The following CUBN variants were observed in gnomAD, a reference collection of about 807,000 sequenced individuals.
CUBN encodes cubilin.
Under a neutral mutation model 405.3 loss-of-function variants are expected in CUBN, and 282 were observed. That is an observed-to-expected ratio of 0.70 (90% CI 0.63 to 0.77). The LOEUF (loss-of-function observed/expected upper bound fraction) is 0.77. Among genes scored for constraint, CUBN ranks in the 30% least tolerant of loss-of-function variants. The probability of loss-of-function intolerance (pLI) is 0.00; values close to 1 mark genes in which losing one functional copy is unlikely to be tolerated. For synonymous variants in CUBN, 1,684 were observed against 1,617.0 expected, an observed-to-expected ratio of 1.04 and a Z score of -0.99; for missense variants, 4,514 against 4,475.2, an observed-to-expected ratio of 1.01 and a Z score of -0.25.
In CUBN at chr10:16,990,560, A is replaced by T. The variant is rs925522; in HGVS notation, c.4169-45T>A. 3.8e-6 allele frequency: 6 copies of T among 1,577,360 alleles called. No homozygotes were observed. The Admixed American group carries it at 6.8e-5, about 18-fold the overall frequency. On this transcript the variant is annotated intron_variant, in intron 28 of 66. Transcript: ENST00000377833. ...CAGTCAGTTCAAAGTGGGCAACAGCACATGGAAAATAATTCCAAATTCAAC... is the reference window on the plus strand; with the variant it reads ...CAGTCAGTTCAAAGTGGGCAACAGCTCATGGAAAATAATTCCAAATTCAAC...
chr10:16,937,141 G>C (rs1842532070), intron 39 of CUBN, among the ~76,000 whole-genome samples: 1 of 152,166 alleles, frequency 6.6e-6, no homozygotes, highest in Non-Finnish European at 1.5e-5. Context: ...ATTTTACTTT[G>C]AAACATGGAA....
intron 53 of CUBN, among the ~76,000 whole-genome samples, chr10:16,900,212 C>T (rs1841315313): frequency 6.6e-6 from 1 of 152,204 alleles, no homozygotes; most frequent in Non-Finnish European, 1.5e-5. Flanking sequence ...GCTCACCACT[C>T]AGCATTCTGC....
At chr10:16,837,499 C>A (rs1389200231) in intron 62 of CUBN, among the ~76,000 whole-genome samples, 5 of 152,184 alleles carry the variant, frequency 3.3e-5, no homozygotes, top group Non-Finnish European at 7.3e-5. Context: ...AGCTCATAGT[C>A]ATCTCCTGCC....
At chr10:17,080,357 G>A (rs11254358) in intron 17 of CUBN, among the ~76,000 whole-genome samples, 24 of 152,196 alleles carry the variant, frequency 1.6e-4, no homozygotes, top group Admixed American at 7.8e-4. Flanking sequence ...AGGGTTCAAC[G>A]CCACTTGTAG....
rs780201559 is a variant in CUBN at position 17,103,231 on chromosome 10, C to T, written c.1424G>A (p.Gly475Glu). 6 of 1,599,356 alleles carry T rather than the reference C, an allele frequency of 3.8e-6. No individual in the cohort carries two copies. The African/African-American group carries it at 5.4e-5, about 14-fold the overall frequency. Residue 475 changes from glycine to glutamate, a missense_variant, in exon 13 of 67, where the codon GGA becomes GAA. Coordinates refer to ENST00000377833, the MANE Select transcript of CUBN (RefSeq NM_001081.4). The stretch of plus-strand genomic sequence containing the variant: ...TCCATTTATTCCTGAGAGGGACTCT[C>T]CACAAACTGCAAAGGAAAAGATGAA... ...ALCQVPQQVCGESLSGINGSF... is the reference protein window; with the variant it reads ...ALCQVPQQVCEESLSGINGSF...
chr10:17,114,092 G>A lies in CUBN; in HGVS notation c.818C>T (p.Pro273Leu), dbSNP rs754092191. 7.4e-6 allele frequency: 12 copies of A among 1,613,350 alleles called. No homozygotes were observed. Among genetic ancestry groups the A allele is most frequent in the East Asian group, 2.2e-5 (1 of 44,858 alleles). Residue 273 changes from proline to leucine, a missense_variant, in exon 8 of 67, where the codon CCT becomes CTT. By Grantham distance (98) the Pro-to-Leu change is moderately conservative. Around this residue, in one of 5 missense-constraint regions of CUBN, gnomAD observed 1,448 missense variants for 1,388.0 expected, o/e 1.04. Transcript: ENST00000377833. ...DRDECSFQPG[P>L]CSTLVQCFNT... ...GAAACACTGCACAAGTGTGGAGCAA[G>A]GCCCGGGCTGGAAGCTGCACTCGTC...
chr10:16,889,790 T>C (rs1356099438), intron 55 of CUBN, among the ~76,000 whole-genome samples: 4 of 151,728 alleles, frequency 2.6e-5, no homozygotes, highest in Non-Finnish European at 4.4e-5. Context: ...TAGTCCCAGC[T>C]ACTCGGCAGG....
intron 28 of CUBN, among the ~76,000 whole-genome samples, chr10:16,997,651 AAGGATTTTGAAC>A (rs1833773607): frequency 6.6e-6 from 1 of 152,196 alleles, no homozygotes; most frequent in Non-Finnish European, 1.5e-5. Flanking sequence ...ACGTAATTAC[AAGGATTTTGAAC>A]AGAAACTTTC....
intron 44 of CUBN, 110 bp downstream of exon 44, chr10:16,919,853 C>A (rs1167741941): frequency 1.7e-6 from 2 of 1,184,864 alleles, no homozygotes; most frequent in Admixed American, 1.9e-5. Context: ...CCCTTTTCCC[C>A]TAGATTTCCT....
Position 17,018,269 on chromosome 10 carries a change from G to A in CUBN, c.4168+1564C>T, listed in dbSNP as rs549928245. On this transcript the variant is annotated intron_variant, in intron 28 of 66. Coordinates refer to ENST00000377833, the MANE Select transcript of CUBN (RefSeq NM_001081.4). ...CGAAAGGGGTCCAGTGGTACTCACC[G>A]CTTGGTGATTGTCCCATCTGGGTCA... Among the ~76,000 whole-genome samples the A allele has an allele frequency of 8.5e-5, 13 of 152,312 alleles. No individual in the cohort carries two copies. In the South Asian group the frequency reaches 1.0e-3, roughly 12 times the overall value.
intron 43 of CUBN, among the ~76,000 whole-genome samples, chr10:16,922,930 G>T (rs1233375918): frequency 6.6e-6 from 1 of 150,470 alleles, no homozygotes; most frequent in African/African-American, 2.4e-5. Context: ...GCTCACTGCA[G>T]CCTCAACTTC....
intron 27 of CUBN, among the ~76,000 whole-genome samples, chr10:17,021,028 G>A (rs1027379754): frequency 5.9e-5 from 9 of 152,228 alleles, no homozygotes; most frequent in East Asian, 3.9e-4. Flanking sequence ...TTATGATGAC[G>A]ATCATGTTTT....
intron 24 of CUBN, 57 bp from the exon 25 acceptor site, chr10:17,045,245 C>A: frequency 1.9e-6 from 3 of 1,549,192 alleles, no homozygotes; most frequent in Non-Finnish European, 1.8e-6. Context: ...GAAATTGAAT[C>A]TTTTTGTCTG....
chr10:16,848,259 G>T (rs931321410), intron 60 of CUBN, among the ~76,000 whole-genome samples: 1 of 152,048 alleles, frequency 6.6e-6, no homozygotes, highest in Non-Finnish European at 1.5e-5. Context: ...AACTCTCCTA[G>T]CAGGGCCATA....
At chr10:17,063,419 A>G (rs1167557535) in intron 22 of CUBN, among the ~76,000 whole-genome samples, 3 of 152,224 alleles carry the variant, frequency 2.0e-5, no homozygotes, top group Non-Finnish European at 4.4e-5. Flanking sequence ...TGATTATCAC[A>G]CAGGGAAGCC....
chr10:17,116,168 GCCA>G (rs1836893986), intron 6 of CUBN, among the ~76,000 whole-genome samples: 1 of 152,194 alleles, frequency 6.6e-6, no homozygotes, highest in African/African-American at 2.4e-5. Flanking sequence ...TTCTTTCATA[GCCA>G]CACTTGAATT....
chr10:16,914,934 T>G, intron 47 of CUBN, 98 bp downstream of exon 47: 1 of 1,086,462 alleles, frequency 9.2e-7, no homozygotes, highest in Non-Finnish European at 1.4e-6. Context: ...AGGGGTCATG[T>G]TTTGTTTTGT....
At chr10:16,988,933 A>C (rs1251106235) in intron 29 of CUBN, among the ~76,000 whole-genome samples, 1 of 152,234 alleles carries the variant, frequency 6.6e-6, no homozygotes, top group African/African-American at 2.4e-5. Flanking sequence ...TTTAATGTTT[A>C]AATGAGAACA....
intron 17 of CUBN, among the ~76,000 whole-genome samples, chr10:17,084,016 A>G (rs1452021785): frequency 6.6e-6 from 1 of 152,178 alleles, no homozygotes; most frequent in Non-Finnish European, 1.5e-5. Flanking sequence ...ATCTGGGCAA[A>G]TCCCTTCACT....
Sources: allele counts gnomAD v4.1 joint callset (sites outside exome capture counted in the v4.1 genomes callset), GRCh38; gene constraint gnomAD v4.1.1; regional missense constraint gnomAD v4.1.1; transcripts MANE v1.5; gene names NCBI Gene and HGNC (gene_info 2026-07-23, HGNC 2026-07-21).